Variants in APBA3 observed in about 807,000 individuals in gnomAD.
The protein encoded by APBA3 is amyloid beta precursor protein binding family A member 3.
APBA3 carries 45 observed loss-of-function variants against 55.9 expected under a neutral mutation model. That is an observed-to-expected ratio of 0.80 (90% CI 0.63 to 1.03). The LOEUF is 1.03. Among genes scored for constraint, APBA3 ranks in the 50% least tolerant of loss-of-function variants. The pLI, the probability that APBA3 is intolerant of heterozygous loss-of-function variation, is 0.00. For synonymous variants in APBA3, 370 were observed against 353.3 expected, an observed-to-expected ratio of 1.05 and a Z score of -0.53; for missense variants, 865 against 820.3, an observed-to-expected ratio of 1.05 and a Z score of -0.67.
chr19:3,752,741 G>C (rs569055881), intron 7 of APBA3, 21 bp from the exon 8 acceptor site: 1 of 1,606,088 alleles, frequency 6.2e-7, no homozygotes, highest in Non-Finnish European at 8.5e-7. Flanking sequence ...CAGGGGGCGC[G>C]GAGGCTGCTC....
At chr19:3,755,531 C>A (rs985749513) in intron 3 of APBA3, 3 of 133,734 alleles carry the variant, frequency 2.2e-5, no homozygotes, top group African/African-American at 8.7e-5. Flanking sequence ...CGGTGGCTCA[C>A]GTCTGTAACC....
At chr19:3,754,504 G>T in intron 3 of APBA3, 164 bp from the exon 4 acceptor site, 2 of 929,346 alleles carry the variant, frequency 2.2e-6, no homozygotes, top group Non-Finnish European at 3.1e-6. Context: ...CATCCAAGCA[G>T]CCTGGCCCTC....
chr19:3,754,398 C>T, intron 3 of APBA3, 58 bp from the exon 4 acceptor site: 1 of 1,519,172 alleles, frequency 6.6e-7, no homozygotes, highest in Non-Finnish European at 8.8e-7. Context: ...AGGCTCTGCC[C>T]CAGGGCTACG....
At chr19:3,760,663 C>A (rs545181825) in intron 1 of APBA3, among the ~76,000 whole-genome samples, 1 of 151,548 alleles carries the variant, frequency 6.6e-6, no homozygotes, top group South Asian at 2.1e-4. Context: ...GCAGGAGAAT[C>A]GCCTGAACCC....
Position 3,752,552 on chromosome 19 carries a change from T to C in APBA3, c.1351A>G (p.Ser451Gly), listed in dbSNP as rs946456233. 1.9e-6 allele frequency: 3 copies of C among 1,589,642 alleles called. No homozygotes were observed. Among genetic ancestry groups the C allele is most frequent in the Non-Finnish European group, 2.6e-6 (3 of 1,172,916 alleles). Residue 451 changes from serine to glycine, a missense_variant, in exon 8 of 11, where the codon AGC becomes GGC. Coordinates refer to ENST00000316757, the MANE Select transcript of APBA3 (RefSeq NM_004886.4). ...GDRLTAINGT[S>G]LVGLPLAACQ... Reference sequence around the variant, plus strand: ...GCAGCCAGGGGCAGCCCCACCAGGCTGGTCCCGTTGATGGCGGTCAGGCGG... The same window carrying C: ...GCAGCCAGGGGCAGCCCCACCAGGCCGGTCCCGTTGATGGCGGTCAGGCGG...
At position 3,760,041 on chromosome 19, in the gene APBA3, G is replaced by A. The variant is rs756656458; in HGVS notation, c.224C>T (p.Ser75Phe). ...EALPGDLVGP[S>F]PGGAPCPLHI... is the part of the protein sequence containing the mutation. ...TAGGGGACAGGGGGCTCCACCTGGG[G>A]ATGGGCCCACCAGATCGCCTGGCAG... The change falls in exon 2 of 11, where the codon TCC becomes TTC. Residue 75 changes from serine to phenylalanine, a missense_variant. Ser to Phe is a radical substitution (Grantham distance 155). Transcript: ENST00000316757. The A allele has an allele frequency of 5.0e-6, 8 of 1,613,268 alleles. No individual in the cohort carries two copies. The Admixed American group carries it at 5.0e-5, about 10-fold the overall frequency.
chr19:3,751,578 C>A lies in APBA3; in HGVS notation c.1396-25G>T. On this transcript the variant is annotated intron_variant, in intron 8 of 10. Transcript: ENST00000316757. ...CCTGTGGGGCGGGGGCCGTTGGCCT[C>A]ACTCAGCTGCCGGACAGCCTGGCAG... is the stretch of plus-strand genomic sequence containing the variant. 1.3e-6 allele frequency: 2 copies of A among 1,568,884 alleles called. 1 individual carries two copies. The highest frequency in any genetic ancestry group is 1.7e-6 in the Non-Finnish European group (2 of 1,164,116).
At chr19:3,751,782 G>A (rs551557891) in intron 8 of APBA3, 2 of 552,568 alleles carry the variant, frequency 3.6e-6, no homozygotes, top group African/African-American at 1.9e-5. Flanking sequence ...AAGCCAAGCC[G>A]ACAGCCGGGC....
intron 3 of APBA3, chr19:3,755,194 C>G (rs1003675804): frequency 2.6e-5 from 4 of 152,204 alleles, no homozygotes; most frequent in African/African-American, 7.2e-5. Flanking sequence ...CTCTCCAGAA[C>G]CCCAGCTGGT....
At chr19:3,761,366 A>G (rs1421097661) in intron 1 of APBA3, among the ~76,000 whole-genome samples, 170 bp downstream of exon 1, 1 of 152,052 alleles carries the variant, frequency 6.6e-6, no homozygotes, top group Non-Finnish European at 1.5e-5. Context: ...GAGACCCAAG[A>G]CGCCATAAGG....
chr19:3,752,724 G>A lies in APBA3; in HGVS notation c.1183-4C>T. On this transcript the variant is annotated splice_polypyrimidine_tract_variant and splice_region_variant and intron_variant, in intron 7 of 10. Coordinates refer to ENST00000316757, the MANE Select transcript of APBA3 (RefSeq NM_004886.4). ...CTCGCCGCTTCTCGAGGTGCACCTG[G>A]GACACACAGGGGGCGCGGAGGCTGC... 6.2e-7 allele frequency: 1 copy of A among 1,602,968 alleles called. No individual in the cohort carries two copies. The highest frequency in any genetic ancestry group is 8.5e-7 in the Non-Finnish European group (1 of 1,177,450).
rs61729801 is a variant in APBA3, at chr19:3,759,968, G to A, written c.297C>T (p.Ala99=). The change falls in exon 2 of 11, where the codon GCC becomes GCT. Residue 99 remains alanine, a synonymous_variant. Coordinates refer to ENST00000316757, the MANE Select transcript of APBA3 (RefSeq NM_004886.4). The part of the protein sequence containing the change: ...HGLASQEIAD[A]HGLLSAEAGR... ...CAGCTTCGGCAGACAGGAGCCCGTG[G>A]GCATCAGCAATCTCCTGGGAGGCCA... 1 of 1,610,112 alleles carries A rather than the reference G, an allele frequency of 6.2e-7. No homozygotes were observed. The highest frequency in any genetic ancestry group is 8.5e-7 in the Non-Finnish European group (1 of 1,179,080).
intron 9 of APBA3, 44 bp downstream of exon 9, chr19:3,751,390 G>A (rs1328144349): frequency 6.6e-7 from 1 of 1,515,026 alleles, no homozygotes; most frequent in Non-Finnish European, 8.8e-7. Context: ...CGTGCTCAGG[G>A]CCGCCCTACC....
At chr19:3,754,530 T>G in intron 3 of APBA3, 190 bp from the exon 4 acceptor site, 1 of 688,254 alleles carries the variant, frequency 1.5e-6, no homozygotes, top group Non-Finnish European at 2.3e-6. Context: ...TCTAGAACCT[T>G]CTGTCCATCC....
In APBA3 at chr19:3,753,806, G is replaced by A. The variant is rs769675322; in HGVS notation, c.970C>T (p.Arg324Cys). ...ACGTGGCAGAGCATCTTGTAGAGGC[G>A]GCGGCCGTGGTCCTGGGGTGCCGGC... ...RRPAPQDHGRRLYKMLCHVFY... is the reference protein window; with the variant it reads ...RRPAPQDHGRCLYKMLCHVFY... The change falls in exon 6 of 11, where the codon CGC becomes TGC. Residue 324 changes from arginine to cysteine, a missense_variant. Physicochemically the swap from Arg to Cys is radical, Grantham distance 180 (BLOSUM62 -3). Transcript: ENST00000316757. 120 of 1,571,914 alleles carry A rather than the reference G, an allele frequency of 7.6e-5. No individual in the cohort carries two copies. Among genetic ancestry groups the A allele is most frequent in the Non-Finnish European group, 9.3e-5 (108 of 1,161,452 alleles).
rs747741657 is a variant in APBA3 at position 3,760,122 on chromosome 19, C to T, written c.143G>A (p.Ser48Asn). Residue 48 changes from serine to asparagine, a missense_variant, in exon 2 of 11, where the codon AGT becomes AAT. By Grantham distance (46) the Ser-to-Asn change is conservative. Coordinates refer to ENST00000316757, the MANE Select transcript of APBA3 (RefSeq NM_004886.4). ...GCTTGACTCATCAAGTTCCATCCGA[C>T]TGAGGCTGCCGGGGCCTCCTGGCAT... The part of the protein sequence containing the change: ...DPMPGGPGSL[S>N]RMELDESSLQ... 1.2e-6 allele frequency: 2 copies of T among 1,613,390 alleles called. No homozygotes were observed. The highest frequency in any genetic ancestry group is 2.7e-5 in the African/African-American group (2 of 74,954).
Position 3,753,802 on chromosome 19 carries a change from AGGC to A in APBA3, c.971_973del (p.Arg324del). The stretch of plus-strand genomic sequence containing the variant: ...GAATACGTGGCAGAGCATCTTGTAG[AGGC>A]GGCGGCCGTGGTCCTGGGGTGCCGG... On this transcript the variant is annotated inframe_deletion, in exon 6 of 11. Transcript: ENST00000316757. 1 of 1,571,230 alleles carries A rather than the reference AGGC, an allele frequency of 6.4e-7. No homozygotes were observed. Among genetic ancestry groups the A allele is most frequent in the South Asian group, 1.2e-5 (1 of 86,380 alleles).
In APBA3 at chr19:3,751,339, A is replaced by G. The variant is rs770662959; in HGVS notation, c.1516-10T>C. 102 of 1,528,356 alleles carry G rather than the reference A, an allele frequency of 6.7e-5. 1 individual carries two copies. In the East Asian group the frequency reaches 2.4e-3, roughly 36 times the overall value. 94.7% of individuals were successfully genotyped at this position (1,528,356 alleles called of 1,614,324 possible). Reference sequence around the variant, plus strand: ...GGAGGAGGCTGCAGATCTGGGGGAGAAAAGAGGGGGACGGGAAAGAGGTGG... The same window carrying G: ...GGAGGAGGCTGCAGATCTGGGGGAGGAAAGAGGGGGACGGGAAAGAGGTGG... On this transcript the variant is annotated splice_polypyrimidine_tract_variant and intron_variant, in intron 9 of 10. Coordinates refer to ENST00000316757, the MANE Select transcript of APBA3 (RefSeq NM_004886.4).
rs780021448 is a variant in APBA3, at chr19:3,751,008, A to C, written c.*18T>G. 1 of 1,555,388 alleles carries C rather than the reference A, an allele frequency of 6.4e-7. No individual in the cohort carries two copies. The highest frequency in any genetic ancestry group is 1.2e-5 in the South Asian group (1 of 84,378). ...GCCATGGAGGCGAAGGCACAGTGGC[A>C]GGCAAGGGATGAGGTGGTCACAGGT... On this transcript the variant is annotated 3_prime_UTR_variant, in exon 11 of 11. Transcript: ENST00000316757.
Sources: allele counts gnomAD v4.1 joint callset (sites outside exome capture counted in the v4.1 genomes callset), GRCh38; gene constraint gnomAD v4.1.1; transcripts MANE v1.5; gene names NCBI Gene and HGNC (gene_info 2026-07-23, HGNC 2026-07-21).